Variants in SLC9A9 observed in about 807,000 individuals in gnomAD.
SLC9A9 encodes solute carrier family 9 member A9.
In SLC9A9, 62 loss-of-function variants were observed where a neutral mutation model predicts 77.8. That is an observed-to-expected ratio of 0.80 (90% CI 0.65 to 0.98). The LOEUF is 0.98. SLC9A9 is among the 50% of genes least tolerant of loss of function. SLC9A9 has a pLI of 0.00. For missense variants in SLC9A9, 775 were observed against 774.9 expected (o/e 1.00, Z 0.00); for synonymous variants, 320 against 283.5 (o/e 1.13, Z -1.29).
intron 13 of SLC9A9, among the ~76,000 whole-genome samples, chr3:143,380,977 T>C (rs1341546008): frequency 1.3e-5 from 2 of 152,254 alleles, no homozygotes; most frequent in Non-Finnish European, 1.5e-5. Flanking sequence ...CACTTATTTA[T>C]GATATTCTCC....
chr3:143,663,097 G>A (rs2039006112), intron 5 of SLC9A9, among the ~76,000 whole-genome samples: 1 of 152,180 alleles, frequency 6.6e-6, no homozygotes, highest in Non-Finnish European at 1.5e-5. Flanking sequence ...TCCAGAGGAA[G>A]GATCAGGTAG....
intron 4 of SLC9A9, among the ~76,000 whole-genome samples, chr3:143,743,600 C>T (rs1368840609): frequency 6.6e-6 from 1 of 152,082 alleles, no homozygotes; most frequent in Non-Finnish European, 1.5e-5. Flanking sequence ...TTGGTTCTAT[C>T]TGGGCCTCTA....
At chr3:143,381,231 TTG>T (rs2033295524) in intron 13 of SLC9A9, 1 of 152,294 alleles carries the variant, frequency 6.6e-6, no homozygotes, top group South Asian at 2.1e-4. Context: ...TTCCCATGTG[TTG>T]TGGGAGGAAC....
intron 2 of SLC9A9, among the ~76,000 whole-genome samples, chr3:143,816,265 G>A (rs992116457): frequency 2.0e-5 from 3 of 152,284 alleles, no homozygotes; most frequent in Admixed American, 6.5e-5. Context: ...GTACAGTGGT[G>A]TGGTCATAGC....
At chr3:143,726,214 AC>A (rs34294428) in intron 4 of SLC9A9, among the ~76,000 whole-genome samples, 102,490 of 147,100 alleles carry the variant, frequency 0.7, 36,389 homozygotes, top group East Asian at 1. Context: ...CTGCACATGC[AC>A]CCCTGAACTT....
At chr3:143,493,572 T>C (rs2035783316) in intron 11 of SLC9A9, 81 bp downstream of exon 11, 1 of 1,297,834 alleles carries the variant, frequency 7.7e-7, no homozygotes, top group Non-Finnish European at 1.1e-6. Flanking sequence ...CCAAAAGGGT[T>C]CTAAATTTTC....
At chr3:143,482,996 T>C (rs1031176227) in intron 11 of SLC9A9, among the ~76,000 whole-genome samples, 3 of 152,208 alleles carry the variant, frequency 2.0e-5, no homozygotes, top group African/African-American at 7.2e-5. Flanking sequence ...GCAGAGCAGT[T>C]ATGACCTCCT....
chr3:143,566,699 T>A (rs1179585740), intron 8 of SLC9A9, among the ~76,000 whole-genome samples: 1 of 152,086 alleles, frequency 6.6e-6, no homozygotes, highest in Non-Finnish European at 1.5e-5. Flanking sequence ...AACATAAAAT[T>A]GCCCTAGGAA....
chr3:143,494,713 C>T (rs1017218031), intron 10 of SLC9A9, among the ~76,000 whole-genome samples: 3 of 152,206 alleles, frequency 2.0e-5, no homozygotes, highest in African/African-American at 7.2e-5. Flanking sequence ...GAAACACCTC[C>T]TGTCCCAGGC....
At chr3:143,693,705 G>A (rs1236876294) in intron 4 of SLC9A9, among the ~76,000 whole-genome samples, 2 of 152,088 alleles carry the variant, frequency 1.3e-5, no homozygotes, top group Admixed American at 1.3e-4. Flanking sequence ...TCTGAAAAGG[G>A]TTCAAATTTC....
chr3:143,296,354 T>C (rs2030269184), intron 14 of SLC9A9, among the ~76,000 whole-genome samples: 1 of 152,234 alleles, frequency 6.6e-6, no homozygotes, highest in Non-Finnish European at 1.5e-5. Context: ...CTTAGTGTAA[T>C]GTCCTCCAGG....
intron 14 of SLC9A9, among the ~76,000 whole-genome samples, chr3:143,286,610 T>C (rs1938389039): frequency 6.6e-6 from 1 of 152,180 alleles, no homozygotes; most frequent in African/African-American, 2.4e-5. Flanking sequence ...CACAGAATGT[T>C]CTTGCTCAGA....
chr3:143,448,505 G>T (rs551583674), intron 12 of SLC9A9, among the ~76,000 whole-genome samples: 1 of 152,132 alleles, frequency 6.6e-6, no homozygotes, highest in East Asian at 1.9e-4. Context: ...AAATTGTTAG[G>T]CATCCTCAAA....
In SLC9A9 at chr3:143,682,126, C is replaced by G. The variant is rs187608251; in HGVS notation, c.649+11066G>C. On this transcript the variant is annotated intron_variant, in intron 5 of 15. Coordinates refer to ENST00000316549, the MANE Select transcript of SLC9A9 (RefSeq NM_173653.4). Reference sequence around the variant, plus strand: ...GGTTTGCATAAAGCTCAAGGCTTCACCAGGACTCAGCTGCATATAGGAACC... The same window carrying G: ...GGTTTGCATAAAGCTCAAGGCTTCAGCAGGACTCAGCTGCATATAGGAACC... Among the ~76,000 whole-genome samples, 8 of 152,254 alleles carry G rather than the reference C, an allele frequency of 5.3e-5. No individual in the cohort carries two copies. In the East Asian group the frequency reaches 1.5e-3, roughly 29 times the overall value.
chr3:143,335,601 C>A (rs1031026023), intron 14 of SLC9A9, among the ~76,000 whole-genome samples: 2 of 152,130 alleles, frequency 1.3e-5, no homozygotes, highest in Non-Finnish European at 2.9e-5. Context: ...AACAGAGCAC[C>A]TAGAAATAAG....
intron 12 of SLC9A9, among the ~76,000 whole-genome samples, chr3:143,415,773 A>G (rs764628851): frequency 6.6e-6 from 1 of 152,250 alleles, no homozygotes; most frequent in Non-Finnish European, 1.5e-5. Flanking sequence ...AATATATTTC[A>G]TAAGGCTATA....
intron 9 of SLC9A9, among the ~76,000 whole-genome samples, chr3:143,509,427 T>C (rs936630845): frequency 6.6e-6 from 1 of 152,240 alleles, no homozygotes; most frequent in East Asian, 1.9e-4. Flanking sequence ...ATTAAGTTTT[T>C]TGAGCTTTCT....
At chr3:143,343,552 C>G (rs2032173971) in intron 14 of SLC9A9, 2 of 152,124 alleles carry the variant, frequency 1.3e-5, no homozygotes, top group Non-Finnish European at 2.9e-5. Flanking sequence ...CTGCAGGAGT[C>G]CCTATTTTGT....
chr3:143,669,662 G>A (rs1306967933), intron 5 of SLC9A9, among the ~76,000 whole-genome samples: 1 of 152,182 alleles, frequency 6.6e-6, no homozygotes, highest in Non-Finnish European at 1.5e-5. Context: ...CTGTACTAAA[G>A]TAGAAAACAG....
Sources: gnomAD v4.1 joint callset for allele counts (sites outside exome capture counted in the v4.1 genomes callset) on GRCh38, gnomAD v4.1.1 for gene constraint, MANE v1.5 for transcripts, NCBI Gene and HGNC (gene_info 2026-07-23, HGNC 2026-07-21) for gene names.